The following GJC1 variants were observed in gnomAD, a reference collection of about 807,000 sequenced individuals.
GJC1 encodes gap junction protein gamma 1, also known as gap junction gamma-1 protein.
In GJC1, 5 loss-of-function variants were observed where a neutral mutation model predicts 29.3. That is an observed-to-expected ratio of 0.17 (90% CI 0.09 to 0.36). GJC1 has a LOEUF of 0.36. Among genes scored for constraint, GJC1 ranks in the 10% least tolerant of loss-of-function variants. The pLI, the probability that GJC1 is intolerant of heterozygous loss-of-function variation, is 1.00. For synonymous variants in GJC1, 177 were observed against 183.3 expected, an observed-to-expected ratio of 0.97 and a Z score of 0.28; for missense variants, 310 against 496.2, an observed-to-expected ratio of 0.62 and a Z score of 3.56.
At chr17:44,813,769 A>G (rs1207654083) in intron 1 of GJC1, among the ~76,000 whole-genome samples, 2 of 152,124 alleles carry the variant, frequency 1.3e-5, no homozygotes, top group Admixed American at 6.6e-5. Flanking sequence ...CTAAGATTAC[A>G]GGCGTGAGTC....
At chr17:44,825,572 C>T (rs1196999834) in intron 1 of GJC1, among the ~76,000 whole-genome samples, 1 of 151,898 alleles carries the variant, frequency 6.6e-6, no homozygotes, top group Non-Finnish European at 1.5e-5. Context: ...GTCAGGAGTT[C>T]GAGACCAGCC....
downstream of GJC1, among the ~76,000 whole-genome samples, chr17:44,797,968 A>G (rs979538929): frequency 1.3e-5 from 2 of 152,150 alleles, no homozygotes; most frequent in Non-Finnish European, 2.9e-5. Flanking sequence ...CTCCCTTCTC[A>G]GGAGGTGGAT....
chr17:44,828,696 G>GT lies in GJC1; in HGVS notation c.-97+1365dup, dbSNP rs755828822. On this transcript the variant is annotated intron_variant, in intron 1 of 2. Transcript: ENST00000592524. ...CTGCAGTGATACAACTCTATGCTAA[G>GT]TTTTTTTTAAATCAGTAAACTTAAC... Among the ~76,000 whole-genome samples the GT allele has an allele frequency of 1.7e-4, 26 of 152,080 alleles. No individual in the cohort carries two copies. In the East Asian group the frequency reaches 1.7e-3, roughly 10 times the overall value.
chr17:44,815,748 TCA>T (rs1312678299), intron 1 of GJC1, among the ~76,000 whole-genome samples: 3 of 151,798 alleles, frequency 2.0e-5, no homozygotes, highest in Non-Finnish European at 4.4e-5. Flanking sequence ...TATAAACATC[TCA>T]GTTTATTTTA....
At chr17:44,828,363 T>G (rs2145380384) in intron 1 of GJC1, among the ~76,000 whole-genome samples, 1 of 152,324 alleles carries the variant, frequency 6.6e-6, no homozygotes, top group South Asian at 2.1e-4. Flanking sequence ...AGAAAACAAT[T>G]CTTAAGTCAC....
chr17:44,815,628 C>G (rs1286497489), intron 1 of GJC1, among the ~76,000 whole-genome samples: 1 of 152,012 alleles, frequency 6.6e-6, no homozygotes, highest in African/African-American at 2.4e-5. Context: ...CAGTAGGATA[C>G]GTTCCCCCTC....
intron 1 of GJC1, among the ~76,000 whole-genome samples, chr17:44,818,510 A>T (rs1430881028): frequency 1.0e-4 from 2 of 19,244 alleles, no homozygotes; most frequent in Non-Finnish European, 2.1e-4. Context: ...TCTCATGTTA[A>T]AAAAAAAAAA....
In GJC1 at chr17:44,800,686, A is replaced by G. The variant is rs1358463320; in HGVS notation, c.*3941T>C. The stretch of plus-strand genomic sequence containing the variant: ...CTGCTAGAGAGTGTTTCAGACCATC[A>G]CTGATGTCTGTGATAAAGAGCACCA... On this transcript the variant is annotated 3_prime_UTR_variant, in exon 3 of 3. Coordinates refer to ENST00000592524, the MANE Select transcript of GJC1 (RefSeq NM_005497.4). 4 of 152,124 alleles carry G rather than the reference A, an allele frequency of 2.6e-5. No homozygotes were observed. The highest frequency in any genetic ancestry group is 2.6e-4 in the Admixed American group (4 of 15,272). The allele number at this position is 152,124 out of a possible 1,614,324, so 9.4% of individuals were successfully genotyped here. A position where few individuals can be genotyped will look rare whatever the true frequency, so the allele number is the denominator to read the frequency against.
rs1469214146 is a variant in GJC1, at chr17:44,805,618, G to C, written c.200C>G (p.Ala67Gly). The C allele has an allele frequency of 6.2e-7, 1 of 1,614,128 alleles. No homozygotes were observed. The highest frequency in any genetic ancestry group is 1.1e-5 in the South Asian group (1 of 91,078). Residue 67 changes from alanine to glycine, a missense_variant, in exon 3 of 3, where the codon GCG becomes GGG. Around this residue, in one of 4 missense-constraint regions of GJC1, gnomAD observed 37 missense variants for 104.2 expected, o/e 0.35. Coordinates refer to ENST00000592524, the MANE Select transcript of GJC1 (RefSeq NM_005497.4). The surrounding 1 kb of genome is among the most constrained non-coding windows in gnomAD (Gnocchi z 5.1). ...QPGCENVCYDAFAPLSHVRFW... is the reference protein window; with the variant it reads ...QPGCENVCYDGFAPLSHVRFW... ...GCGTACATGGGAGAGAGGTGCAAAC[G>C]CATCATAACAGACATTCTCACAGCC...
Position 44,805,142 on chromosome 17 carries a change from T to A in GJC1, c.676A>T (p.Thr226Ser). 2 of 1,614,050 alleles carry A rather than the reference T, an allele frequency of 1.2e-6. No homozygotes were observed. Among genetic ancestry groups the A allele is most frequent in the Non-Finnish European group, 1.7e-6 (2 of 1,179,984 alleles). ...HKIDCFISRP[T>S]EKTIFLLIMY... ...ATCAGAAGGAAGATGGTCTTTTCAG[T>A]GGGTCTAGAAATAAAGCAGTCTATC... is the stretch of plus-strand genomic sequence containing the variant. The change falls in exon 3 of 3, where the codon ACT becomes TCT. Residue 226 changes from threonine (T) to serine (S), a missense_variant. By Grantham distance (58) the Thr-to-Ser change is moderately conservative (BLOSUM62 1). Coordinates refer to ENST00000592524, the MANE Select transcript of GJC1 (RefSeq NM_005497.4). This position sits in a 1 kb window ranked among gnomAD's most constrained non-coding sequence, Gnocchi z 5.1.
In GJC1 at chr17:44,805,760, C is replaced by T; in HGVS notation, c.58G>A (p.Val20Met). Residue 20 changes from valine (V) to methionine (M), a missense_variant, in exon 3 of 3, where the codon GTG becomes ATG. Coordinates refer to ENST00000592524, the MANE Select transcript of GJC1 (RefSeq NM_005497.4). The surrounding 1 kb of genome is among the most constrained non-coding windows in gnomAD (Gnocchi z 5.1). The stretch of plus-strand genomic sequence containing the variant: ...AGAACAGTGAGCCAGATCTTCCCCA[C>T]AAATGTGGAATGGTTGTGAATCTCC... ...LEEIHNHSTFVGKIWLTVLIV... is the reference protein window; with the variant it reads ...LEEIHNHSTFMGKIWLTVLIV... 1 of 1,614,092 alleles carries T rather than the reference C, an allele frequency of 6.2e-7. No homozygotes were observed. The highest frequency in any genetic ancestry group is 8.5e-7 in the Non-Finnish European group (1 of 1,179,964).
intron 2 of GJC1, among the ~76,000 whole-genome samples, chr17:44,807,143 G>A (rs965861752): frequency 1.3e-5 from 2 of 152,060 alleles, no homozygotes; most frequent in Admixed American, 6.6e-5. Context: ...TGAACTGTGA[G>A]GACATTAAAT....
At chr17:44,825,521 G>A (rs942292973) in intron 1 of GJC1, among the ~76,000 whole-genome samples, 11 of 152,104 alleles carry the variant, frequency 7.2e-5, no homozygotes, top group South Asian at 6.2e-4. Flanking sequence ...AGTGGTTCGC[G>A]TCTGTAATCC....
upstream of GJC1, among the ~76,000 whole-genome samples, chr17:44,830,386 C>T (rs2050220941): frequency 6.6e-6 from 1 of 151,616 alleles, no homozygotes; most frequent in Non-Finnish European, 1.5e-5. The surrounding 1 kb of genome is among the most constrained non-coding windows in gnomAD (Gnocchi z 4.3). Context: ...AGGGGGGCGC[C>T]CCAGAACGCG....
Position 44,805,201 on chromosome 17 carries a change from A to G in GJC1, c.617T>C (p.Phe206Ser). 1 of 1,614,070 alleles carries G rather than the reference A, an allele frequency of 6.2e-7. No homozygotes were observed. The highest frequency in any genetic ancestry group is 8.5e-7 in the Non-Finnish European group (1 of 1,180,002). ...ACAAGGAAGTCTGCTGCACACATAA[A>G]ACGGGTGGACTTGGAAGCCATACAG... is the stretch of plus-strand genomic sequence containing the variant. Reference protein sequence around the residue: ...YFLYGFQVHPFYVCSRLPCPH... With the variant: ...YFLYGFQVHPSYVCSRLPCPH... Residue 206 changes from phenylalanine (F) to serine (S), a missense_variant, in exon 3 of 3, where the codon TTT (phenylalanine) becomes TCT (serine). This residue lies in a region of GJC1 where 45 missense variants were observed against 126.2 expected (regional missense o/e 0.36). Coordinates refer to ENST00000592524, the MANE Select transcript of GJC1 (RefSeq NM_005497.4). This position sits in a 1 kb window ranked among gnomAD's most constrained non-coding sequence, Gnocchi z 5.1.
At position 44,806,397 on chromosome 17, in the gene GJC1, G is replaced by A. The variant is rs146117215; in HGVS notation, c.-20-560C>T. Among the ~76,000 whole-genome samples the A allele has an allele frequency of 7.7e-3, 801 of 103,638 alleles. 10 individuals are homozygous for A. The highest frequency in any genetic ancestry group is 0.028 in the African/African-American group (763 of 27,710). The allele number at this position is 103,638 out of a possible 152,430, so 68.0% of individuals were successfully genotyped here. The stretch of plus-strand genomic sequence containing the variant: ...ATATTTCTCAGACCTTGGTTCTTCT[G>A]TTTGTTTTTTTTTTTTTTTTTTGAG... On this transcript the variant is annotated intron_variant, in intron 2 of 2. Coordinates refer to ENST00000592524, the MANE Select transcript of GJC1 (RefSeq NM_005497.4).
chr17:44,825,515 G>C (rs1299958081), intron 1 of GJC1, among the ~76,000 whole-genome samples: 2 of 152,096 alleles, frequency 1.3e-5, no homozygotes, highest in Non-Finnish European at 2.9e-5. Flanking sequence ...AGACACAGTG[G>C]TTCGCGTCTG....
In GJC1 at chr17:44,799,026, T is replaced by C. The variant is rs11546869; in HGVS notation, c.*5601A>G. The stretch of plus-strand genomic sequence containing the variant: ...CTGTAAGTACAGGCACGTGCCACCA[T>C]ACCTAATTTTTATATTTTTAGTAGA... On this transcript the variant is annotated 3_prime_UTR_variant, in exon 3 of 3. Transcript: ENST00000592524. The C allele has an allele frequency of 6.6e-6, 1 of 152,044 alleles. No homozygotes were observed. The highest frequency in any genetic ancestry group is 1.5e-5 in the Non-Finnish European group (1 of 68,024). The allele number at this position is 152,044 out of a possible 1,614,324, so 9.4% of individuals were successfully genotyped here.
downstream of GJC1, among the ~76,000 whole-genome samples, chr17:44,798,186 A>G (rs1056817021): frequency 6.6e-5 from 10 of 152,216 alleles, no homozygotes; most frequent in African/African-American, 2.4e-4. Flanking sequence ...TAGTCCCAGA[A>G]GAGCTTCAAA....
Sources: gnomAD v4.1 joint callset for allele counts (sites outside exome capture counted in the v4.1 genomes callset) on GRCh38, gnomAD v4.1.1 for gene constraint, gnomAD v4.1.1 regional missense constraint, Gnocchi (gnomAD v3.1) non-coding constraint, MANE v1.5 for transcripts, NCBI Gene and HGNC (gene_info 2026-07-23, HGNC 2026-07-21) for gene names.